Variants in USH2A observed in about 807,000 individuals in gnomAD.
USH2A encodes the protein Usher syndrome 2A (autosomal recessive, mild).
USH2A carries 443 observed loss-of-function variants against 538.9 expected under a neutral mutation model. The ratio of observed to expected loss-of-function variants is 0.82; its 90% CI spans 0.76 to 0.89. The LOEUF is 0.89. Ranked by LOEUF, USH2A falls within the 40% of genes least tolerant of loss-of-function variation. The pLI, the probability that USH2A is intolerant of heterozygous loss-of-function variation, is 0.00. For missense variants in USH2A, 6,633 were observed against 6,324.8 expected (o/e 1.05, Z -1.65); for synonymous variants, 2,413 against 2,273.5 (o/e 1.06, Z -1.75).
rs1656045355 is a variant in USH2A, at chr1:215,626,898, A to G, written c.15520-1028T>C. ...TTTCAATGTATTATGTTGAATGTAT[A>G]GCAATTGCTGTTTTGCATGTCAAAA... On this transcript the variant is annotated intron_variant, in intron 71 of 71. Transcript: ENST00000307340. 2.6e-5 allele frequency among the ~76,000 whole-genome samples: 4 copies of G among 152,346 alleles called. No individual in the cohort carries two copies. In the South Asian group the frequency reaches 8.3e-4, roughly 32 times the overall value.
At chr1:215,787,427 G>A (rs541774842) in intron 51 of USH2A, among the ~76,000 whole-genome samples, 2 of 152,200 alleles carry the variant, frequency 1.3e-5, no homozygotes, top group East Asian at 3.9e-4. Context: ...AAATATAAAT[G>A]TTTCATGAAC....
chr1:215,756,722 G>A (rs1349170165), intron 58 of USH2A, among the ~76,000 whole-genome samples: 3 of 151,982 alleles, frequency 2.0e-5, no homozygotes, highest in Non-Finnish European at 4.4e-5. Context: ...TCAGGAGTTC[G>A]AGACGAGCCT....
At chr1:216,144,959 C>T (rs994947035) in intron 21 of USH2A, among the ~76,000 whole-genome samples, 5 of 152,094 alleles carry the variant, frequency 3.3e-5, no homozygotes, top group Middle Eastern at 3.2e-3. Context: ...AATGTATTAT[C>T]CAGAGATAAC....
Position 216,328,461 on chromosome 1 carries a change from AT to A in USH2A, c.785-808del, listed in dbSNP as rs968390306. On this transcript the variant is annotated intron_variant, in intron 4 of 71. Coordinates refer to ENST00000307340, the MANE Select transcript of USH2A (RefSeq NM_206933.4). ...CTACCGACTCCAAGTTTTTTGTTAT[AT>A]TTTTAATAACAAAATTTATTTCAAT... Among the ~76,000 whole-genome samples, 93 of 152,262 alleles carry A rather than the reference AT, an allele frequency of 6.1e-4. 1 individual carries two copies. The highest frequency in any genetic ancestry group is 2.2e-3 in the African/African-American group (92 of 41,562).
chr1:216,281,380 GT>G (rs142257350), intron 11 of USH2A, among the ~76,000 whole-genome samples: 249 of 152,104 alleles, frequency 1.6e-3, no homozygotes, highest in African/African-American at 5.5e-3. Context: ...AAGGAAAAAT[GT>G]TTTTAAAACC....
At chr1:216,369,737 C>A (rs1338500204) in intron 3 of USH2A, among the ~76,000 whole-genome samples, 1 of 150,610 alleles carries the variant, frequency 6.6e-6, no homozygotes, top group African/African-American at 2.4e-5. Flanking sequence ...ATAGTGAAAC[C>A]CCGTCTGTAC....
chr1:216,229,630 T>A (rs868383714), intron 14 of USH2A, among the ~76,000 whole-genome samples: 4 of 152,152 alleles, frequency 2.6e-5, no homozygotes, highest in Non-Finnish European at 4.4e-5. Flanking sequence ...TCTTTCTTTA[T>A]TGTAACTTCG....
At chr1:216,004,001 G>T (rs1030894648) in intron 32 of USH2A, among the ~76,000 whole-genome samples, 6 of 152,162 alleles carry the variant, frequency 3.9e-5, no homozygotes, top group African/African-American at 1.4e-4. Context: ...CCAGTGCATT[G>T]TAGGTAGAGT....
chr1:216,136,390 T>C (rs1402476567), intron 21 of USH2A, among the ~76,000 whole-genome samples: 1 of 152,182 alleles, frequency 6.6e-6, no homozygotes, highest in African/African-American at 2.4e-5. Context: ...TCCAATTGCT[T>C]TAGTTACCAT....
At chr1:216,244,544 A>T (rs1227701421) in intron 13 of USH2A, among the ~76,000 whole-genome samples, 1 of 152,192 alleles carries the variant, frequency 6.6e-6, no homozygotes, top group East Asian at 1.9e-4. Flanking sequence ...AGATCACCAC[A>T]ATGAGAGCCA....
At position 215,766,705 on chromosome 1, in the gene USH2A, G is replaced by C. The variant is rs2102748093; in HGVS notation, c.11023C>G (p.Gln3675Glu). The change falls in exon 56 of 72, where the codon CAG (glutamine) becomes GAG (glutamate). Residue 3675 changes from glutamine to glutamate, a missense_variant. By Grantham distance (29) the Gln-to-Glu change is conservative. Transcript: ENST00000307340. ...GCTSSEPFLG[Q>E]TLQAAPEGVW... ...CCTTCAGGAGCTGCCTGCAGTGTCT[G>C]ACCTAGAAAAGGCTCGCTTGAAGTG... 1 of 1,613,634 alleles carries C rather than the reference G, an allele frequency of 6.2e-7. No homozygotes were observed. Among genetic ancestry groups the C allele is most frequent in the Admixed American group, 1.7e-5 (1 of 60,008 alleles).
chr1:215,873,801 C>CA (rs35816736), intron 43 of USH2A, among the ~76,000 whole-genome samples: 11,246 of 127,546 alleles, frequency 0.088, 490 homozygotes, highest in East Asian at 0.17. Flanking sequence ...ATTGTCATTG[C>CA]AAAAAAAAAA....
intron 38 of USH2A, among the ~76,000 whole-genome samples, chr1:215,915,660 T>C (rs984573401): frequency 3.9e-5 from 6 of 151,974 alleles, no homozygotes; most frequent in Non-Finnish European, 7.4e-5. Flanking sequence ...CTAGAAATAC[T>C]ATTTGACCCA....
chr1:216,195,489 C>T (rs182065982), intron 19 of USH2A, among the ~76,000 whole-genome samples: 2 of 152,186 alleles, frequency 1.3e-5, no homozygotes, highest in Non-Finnish European at 2.9e-5. Context: ...TGTGAAACAG[C>T]AGAGCGAAGA....
intron 11 of USH2A, among the ~76,000 whole-genome samples, chr1:216,274,725 C>T (rs2036638354): frequency 6.6e-6 from 1 of 151,234 alleles, no homozygotes; most frequent in Non-Finnish European, 1.5e-5. Flanking sequence ...TCTTGCTCAG[C>T]TGTCAAAAAT....
At chr1:216,132,511 T>A (rs1571986826) in intron 21 of USH2A, among the ~76,000 whole-genome samples, 2 of 152,012 alleles carry the variant, frequency 1.3e-5, no homozygotes, top group East Asian at 3.9e-4. Context: ...TGAGAAAACA[T>A]TCATTTCTAA....
intron 40 of USH2A, among the ~76,000 whole-genome samples, chr1:215,894,722 C>T (rs1296593019): frequency 1.3e-5 from 2 of 152,080 alleles, no homozygotes; most frequent in Non-Finnish European, 2.9e-5. Flanking sequence ...AAATGAGAAT[C>T]ACTTTTGGGA....
At chr1:216,107,929 T>A (rs1322555514) in intron 21 of USH2A, among the ~76,000 whole-genome samples, 1 of 151,900 alleles carries the variant, frequency 6.6e-6, no homozygotes, top group Non-Finnish European at 1.5e-5. Flanking sequence ...CATTTACCAT[T>A]GTCCAATTAT....
Position 216,246,998 on chromosome 1 carries a change from G to C in USH2A, c.2396C>G (p.Thr799Arg). The part of the protein sequence containing the change: ...VTNCKACDCD[T>R]AGSLPGTVCN... ...GACAGTCCCAGGGAGGGATCCAGCT[G>C]TGTCACAGTCACAGGCCTTACAATT... is the stretch of plus-strand genomic sequence containing the variant. Residue 799 changes from threonine to arginine, a missense_variant, in exon 13 of 72, where the codon ACA (threonine) becomes AGA (arginine). Physicochemically the swap from Thr to Arg is moderately conservative, Grantham distance 71 (BLOSUM62 -1). Transcript: ENST00000307340. The C allele has an allele frequency of 6.2e-7, 1 of 1,614,068 alleles. No individual in the cohort carries two copies. The highest frequency in any genetic ancestry group is 8.5e-7 in the Non-Finnish European group (1 of 1,179,992).
Sources: gnomAD v4.1 joint callset for allele counts (sites outside exome capture counted in the v4.1 genomes callset) on GRCh38, gnomAD v4.1.1 for gene constraint, MANE v1.5 for transcripts, NCBI Gene and HGNC (gene_info 2026-07-23, HGNC 2026-07-21) for gene names.